Variants in SLC4A4 observed in about 807,000 individuals in gnomAD.
The protein encoded by SLC4A4 is solute carrier family 4 member 4, also known as electrogenic sodium bicarbonate cotransporter 1.
Under a neutral mutation model 111.5 loss-of-function variants are expected in SLC4A4, and 27 were observed. The ratio of observed to expected loss-of-function variants is 0.24; its 90% CI spans 0.18 to 0.33. The LOEUF (loss-of-function observed/expected upper bound fraction) is 0.33. Ranked by LOEUF, SLC4A4 falls within the 10% of genes least tolerant of loss-of-function variation. The pLI is 1.00. For missense variants in SLC4A4, 909 were observed against 1,315.5 expected, an observed-to-expected ratio of 0.69 and a Z score of 4.78; for synonymous variants, 443 against 463.4, an observed-to-expected ratio of 0.96 and a Z score of 0.57.
At chr4:71,079,544 G>A (rs1281250269) in intron 1 of SLC4A4, among the ~76,000 whole-genome samples, 1 of 152,134 alleles carries the variant, frequency 6.6e-6, no homozygotes, top group Admixed American at 6.5e-5. Flanking sequence ...GGGAGGCTGA[G>A]GCAGGAGGAT....
Position 71,216,803 on chromosome 4 carries a change from T to C in SLC4A4, c.-1-19773T>C, listed in dbSNP as rs371407898. Among the ~76,000 whole-genome samples, 4 of 152,292 alleles carry C rather than the reference T, an allele frequency of 2.6e-5. No individual in the cohort carries two copies. In the East Asian group the frequency reaches 7.7e-4, roughly 29 times the overall value. On this transcript the variant is annotated intron_variant, in intron 1 of 25. Transcript: ENST00000264485. ...TGCCAGGTGGCAGCAATTTGACCTT[T>C]ATGAACTTGTGCCTGTCTGGGAGAA...
At chr4:71,540,266 A>G (rs2149223916) in intron 18 of SLC4A4, among the ~76,000 whole-genome samples, 1 of 151,740 alleles carries the variant, frequency 6.6e-6, no homozygotes, top group South Asian at 2.1e-4. Flanking sequence ...ACTGCTCCTC[A>G]CCTCTCCTTT....
intron 1 of SLC4A4, among the ~76,000 whole-genome samples, chr4:71,086,304 G>C (rs1375723753): frequency 1.3e-5 from 2 of 151,644 alleles, no homozygotes; most frequent in East Asian, 3.9e-4. Context: ...GAGATTTTGG[G>C]CTAAGACGAT....
At chr4:71,132,238 T>C (rs979103029) in intron 2 of SLC4A4, among the ~76,000 whole-genome samples, 1 of 152,200 alleles carries the variant, frequency 6.6e-6, no homozygotes, top group Non-Finnish European at 1.5e-5. Flanking sequence ...TGGTATTTTT[T>C]TTTGGATGAA....
Position 71,566,283 on chromosome 4 carries a change from C to G in SLC4A4, c.3197-721C>G, listed in dbSNP as rs545767232. 1.4e-3 allele frequency among the ~76,000 whole-genome samples: 207 copies of G among 151,662 alleles called. 1 individual carries two copies. Among genetic ancestry groups the G allele is most frequent in the Non-Finnish European group, 2.6e-3 (179 of 67,798 alleles). ...TCTGACTTCATTTTTCTCCATGGAGCATTAATAGCAAAAGCACAGTCTAAC... is the reference window on the plus strand; with the variant it reads ...TCTGACTTCATTTTTCTCCATGGAGGATTAATAGCAAAAGCACAGTCTAAC... On this transcript the variant is annotated intron_variant, in intron 24 of 25. Coordinates refer to ENST00000264485, the MANE Select transcript of SLC4A4 (RefSeq NM_001098484.3).
intron 2 of SLC4A4, among the ~76,000 whole-genome samples, chr4:71,128,970 G>T (rs1466574090): frequency 6.6e-6 from 1 of 152,060 alleles, no homozygotes; most frequent in African/African-American, 2.4e-5. Flanking sequence ...CTCCGCCTTT[G>T]AATTAAAGAC....
chr4:71,217,247 G>A (rs1718485739), intron 1 of SLC4A4, among the ~76,000 whole-genome samples: 2 of 152,152 alleles, frequency 1.3e-5, no homozygotes, highest in South Asian at 4.1e-4. Context: ...GTATAATGGA[G>A]CAATAAATGA....
chr4:71,550,496 T>C (rs1735891276), intron 20 of SLC4A4, among the ~76,000 whole-genome samples: 2 of 151,880 alleles, frequency 1.3e-5, no homozygotes, highest in South Asian at 4.1e-4. Flanking sequence ...ACCTTAGAAT[T>C]CACAAAGAAA....
At chr4:71,241,772 T>C (rs962379124) in intron 2 of SLC4A4, among the ~76,000 whole-genome samples, 3 of 152,230 alleles carry the variant, frequency 2.0e-5, no homozygotes, top group African/African-American at 7.2e-5. Context: ...GGAAACAATG[T>C]ATCCACACAT....
chr4:71,175,283 G>A (rs1454873497), intron 2 of SLC4A4, among the ~76,000 whole-genome samples: 2 of 152,252 alleles, frequency 1.3e-5, no homozygotes, highest in African/African-American at 4.8e-5. Context: ...GAAGACGGGT[G>A]ATTTCTGCAT....
chr4:71,253,186 G>T (rs1361666861), intron 2 of SLC4A4, among the ~76,000 whole-genome samples: 1 of 152,100 alleles, frequency 6.6e-6, no homozygotes, highest in African/African-American at 2.4e-5. Flanking sequence ...AAAAAGTCAA[G>T]TGCATTTCTC....
intron 2 of SLC4A4, among the ~76,000 whole-genome samples, chr4:71,245,288 G>C (rs1051933550): frequency 6.6e-5 from 10 of 152,128 alleles, no homozygotes; most frequent in South Asian, 6.2e-4. Context: ...ATTGCAGAAG[G>C]GTTTTAAGCA....
intron 22 of SLC4A4, 120 bp downstream of exon 22, chr4:71,558,005 A>G (rs1736625775): frequency 1.3e-6 from 1 of 773,516 alleles, no homozygotes; most frequent in African/African-American, 1.7e-5. Context: ...CTTTGACCTC[A>G]TCACTTTGAT....
At position 71,361,433 on chromosome 4, in the gene SLC4A4, A is replaced by T. The variant is rs76371236; in HGVS notation, c.730+4246A>T. On this transcript the variant is annotated intron_variant, in intron 6 of 25. Coordinates refer to ENST00000264485, the MANE Select transcript of SLC4A4 (RefSeq NM_001098484.3). ...AGTGAGGCAAGCTTTCAAAATGCTA[A>T]TTATTGTGAAATTGCTACTTGTTTG... Among the ~76,000 whole-genome samples, 1,508 of 152,194 alleles carry T rather than the reference A, an allele frequency of 9.9e-3. 32 individuals carry two copies. Among genetic ancestry groups the T allele is most frequent in the African/African-American group, 0.034 (1,407 of 41,486 alleles).
intron 3 of SLC4A4, among the ~76,000 whole-genome samples, chr4:71,319,714 C>A (rs781401075): frequency 6.6e-6 from 1 of 151,948 alleles, no homozygotes; most frequent in Non-Finnish European, 1.5e-5. Flanking sequence ...AAGCCAGAAT[C>A]GCAAAATTTG....
chr4:71,231,103 A>AAGGG (rs1719393312), intron 1 of SLC4A4, among the ~76,000 whole-genome samples: 1 of 152,106 alleles, frequency 6.6e-6, no homozygotes, highest in South Asian at 2.1e-4. Context: ...GGGATGGGAG[A>AAGGG]AGGGAGGTGG....
intron 1 of SLC4A4, among the ~76,000 whole-genome samples, chr4:71,076,842 T>A (rs2148932643): frequency 6.6e-6 from 1 of 151,866 alleles, no homozygotes; most frequent in African/African-American, 2.4e-5. Context: ...AATACAAAAA[T>A]TAGCCTGGCA....
At chr4:71,331,249 A>G (rs1727958725) in intron 3 of SLC4A4, among the ~76,000 whole-genome samples, 2 of 152,242 alleles carry the variant, frequency 1.3e-5, no homozygotes, top group African/African-American at 2.4e-5. Flanking sequence ...CCAAAGGATT[A>G]TAAATCATGC....
intron 1 of SLC4A4, among the ~76,000 whole-genome samples, chr4:71,215,741 A>T (rs1332443604): frequency 6.6e-6 from 1 of 152,166 alleles, no homozygotes; most frequent in African/African-American, 2.4e-5. Context: ...TGCCGTGATG[A>T]TCACAAGTGA....
Sources: gnomAD v4.1 joint callset for allele counts (sites outside exome capture counted in the v4.1 genomes callset) on GRCh38, gnomAD v4.1.1 for gene constraint, MANE v1.5 for transcripts, NCBI Gene and HGNC (gene_info 2026-07-23, HGNC 2026-07-21) for gene names.